PPP1R16B: variants seen among roughly 807,000 people sequenced by gnomAD.
PPP1R16B encodes the protein protein phosphatase 1 regulatory inhibitor subunit 16B.
A neutral mutation model predicts 61.7 loss-of-function variants in PPP1R16B; 14 were observed. That is an observed-to-expected ratio of 0.23 (90% CI 0.15 to 0.35). The LOEUF is 0.35. Ranked by LOEUF, PPP1R16B falls within the 10% of genes least tolerant of loss-of-function variation. PPP1R16B has a pLI of 1.00. For synonymous variants in PPP1R16B, 266 were observed against 305.3 expected (o/e 0.87, Z 1.34); for missense variants, 547 against 752.5 (o/e 0.73, Z 3.19).
At chr20:38,908,551 G>A (rs2085465077) in intron 10 of PPP1R16B, among the ~76,000 whole-genome samples, 1 of 152,236 alleles carries the variant, frequency 6.6e-6, no homozygotes, top group African/African-American at 2.4e-5. Context: ...CAGTAGGGCA[G>A]TCACCCAGGA....
chr20:38,827,332 G>C (rs1181418038), intron 1 of PPP1R16B, among the ~76,000 whole-genome samples: 1 of 152,176 alleles, frequency 6.6e-6, no homozygotes, highest in African/African-American at 2.4e-5. Context: ...TCCACTGCTG[G>C]ACATGATGAC....
intron 10 of PPP1R16B, among the ~76,000 whole-genome samples, chr20:38,908,862 G>A (rs554127063): frequency 6.6e-6 from 1 of 152,318 alleles, no homozygotes; most frequent in African/African-American, 2.4e-5. Context: ...GCTCTCAAGG[G>A]GATTCTGTTC....
chr20:38,908,968 CGTGT>C (rs373782872), intron 10 of PPP1R16B, among the ~76,000 whole-genome samples: 3,150 of 152,098 alleles, frequency 0.021, 120 homozygotes, highest in African/African-American at 0.073. Flanking sequence ...CCTTTTTCTT[CGTGT>C]GTGTGTGTCT....
chr20:38,875,909 C>T (rs1043403934), intron 2 of PPP1R16B, among the ~76,000 whole-genome samples: 16 of 151,698 alleles, frequency 1.1e-4, no homozygotes, highest in Non-Finnish European at 1.9e-4. Context: ...TTGTTTCTTC[C>T]TCTCCTACCA....
chr20:38,912,974 A>G lies in PPP1R16B; in HGVS notation c.1194+4781A>G, dbSNP rs140070870. On this transcript the variant is annotated intron_variant, in intron 10 of 10. Coordinates refer to ENST00000299824, the MANE Select transcript of PPP1R16B (RefSeq NM_015568.4). ...AGCCTCTGCCTCCCAGATTCAAGCA[A>G]TTCTCCCACCTCAGCCTCCTGATTA... Among the ~76,000 whole-genome samples, 1,035 of 152,214 alleles carry G rather than the reference A, an allele frequency of 6.8e-3. 11 individuals are homozygous for G. Among genetic ancestry groups the G allele is most frequent in the African/African-American group, 0.024 (1,002 of 41,530 alleles).
chr20:38,816,963 ACT>A (rs1161511056), intron 1 of PPP1R16B, among the ~76,000 whole-genome samples: 1 of 151,832 alleles, frequency 6.6e-6, no homozygotes, highest in Admixed American at 6.6e-5. Flanking sequence ...TCAAAGGACC[ACT>A]CTCTCATGGC....
intron 2 of PPP1R16B, among the ~76,000 whole-genome samples, chr20:38,858,634 G>A (rs1161153224): frequency 6.6e-6 from 1 of 150,970 alleles, no homozygotes; most frequent in African/African-American, 2.5e-5. Context: ...GAGATTGGAG[G>A]AAGGGGATAT....
intron 1 of PPP1R16B, among the ~76,000 whole-genome samples, chr20:38,822,539 C>T (rs999519596): frequency 1.0e-4 from 10 of 97,186 alleles, no homozygotes; most frequent in East Asian, 6.8e-4. Context: ...GTCTAGAGTT[C>T]GTAATAGTTT....
intron 1 of PPP1R16B, among the ~76,000 whole-genome samples, chr20:38,807,326 GC>G: frequency 6.6e-6 from 1 of 152,338 alleles, no homozygotes; most frequent in South Asian, 2.1e-4. Flanking sequence ...AAGATACGGG[GC>G]TAACAGCCGC....
At chr20:38,867,051 CGGGT>C (rs2085095449) in intron 2 of PPP1R16B, among the ~76,000 whole-genome samples, 1 of 152,172 alleles carries the variant, frequency 6.6e-6, no homozygotes, top group Non-Finnish European at 1.5e-5. Flanking sequence ...TAATGTTTTT[CGGGT>C]TCATCCACGC....
In PPP1R16B at chr20:38,835,876, C is replaced by T; in HGVS notation, c.-50C>T. ...CAGAGGCCCCGCGCTGCCCTGGCCC[C>T]CGGTGCACCGTGCTAGCCCCCAGCC... On this transcript the variant is annotated 5_prime_UTR_variant, in exon 2 of 11. Transcript: ENST00000299824. 1 of 1,483,230 alleles carries T rather than the reference C, an allele frequency of 6.7e-7. No homozygotes were observed. Among genetic ancestry groups the T allele is most frequent in the Non-Finnish European group, 8.9e-7 (1 of 1,118,926 alleles). The allele number at this position is 1,483,230 out of a possible 1,614,324, so 91.9% of individuals were successfully genotyped here.
chr20:38,888,878 C>A (rs2085267905), intron 2 of PPP1R16B, among the ~76,000 whole-genome samples: 1 of 39,622 alleles, frequency 2.5e-5, no homozygotes, highest in African/African-American at 8.8e-5. Flanking sequence ...AATCCCTGAA[C>A]ACACACACAC....
At chr20:38,900,331 G>C (rs2085381611) in intron 4 of PPP1R16B, among the ~76,000 whole-genome samples, 3 of 152,160 alleles carry the variant, frequency 2.0e-5, no homozygotes, top group African/African-American at 7.2e-5. Context: ...AAAGGCTTAG[G>C]GAGGTCTTCT....
rs1290376033 is a variant in PPP1R16B at position 38,918,563 on chromosome 20, C to T, written c.1601C>T (p.Ser534Leu). 26 of 1,556,332 alleles carry T rather than the reference C, an allele frequency of 1.7e-5. No individual in the cohort carries two copies. Among genetic ancestry groups the T allele is most frequent in the Non-Finnish European group, 2.3e-5 (26 of 1,150,818 alleles). ...TCACCGTACAGCAGCAATGGGACCT[C>T]GGTATATTACACGGTCACCAGCGGA... ...RTSPYSSNGT[S>L]VYYTVTSGDP... Residue 534 changes from serine to leucine, a missense_variant, in exon 11 of 11, where the codon TCG becomes TTG. Physicochemically the swap from Ser to Leu is moderately radical, Grantham distance 145. Transcript: ENST00000299824. This position sits in a 1 kb window ranked among gnomAD's most constrained non-coding sequence, Gnocchi z 5.3.
chr20:38,814,561 T>G (rs560856058), intron 1 of PPP1R16B, among the ~76,000 whole-genome samples: 1 of 152,192 alleles, frequency 6.6e-6, no homozygotes, highest in African/African-American at 2.4e-5. Context: ...ACCTGATACA[T>G]GCCAACTATT....
chr20:38,890,302 T>A (rs2085283078), intron 3 of PPP1R16B, among the ~76,000 whole-genome samples: 1 of 152,256 alleles, frequency 6.6e-6, no homozygotes, highest in Admixed American at 6.5e-5. Flanking sequence ...CAAAGTTCTC[T>A]GGTGTCTTCC....
chr20:38,827,750 C>T (rs1035996623), intron 1 of PPP1R16B, among the ~76,000 whole-genome samples: 5 of 151,944 alleles, frequency 3.3e-5, no homozygotes, highest in African/African-American at 7.3e-5. Flanking sequence ...ACCAAGGGCC[C>T]CAGAAGTCTC....
intron 1 of PPP1R16B, among the ~76,000 whole-genome samples, chr20:38,829,637 T>C (rs1310048421): frequency 6.6e-6 from 1 of 152,246 alleles, no homozygotes; most frequent in Admixed American, 6.5e-5. Context: ...GAAGTGTGGA[T>C]AGGTGAGCCC....
intron 1 of PPP1R16B, among the ~76,000 whole-genome samples, chr20:38,833,234 A>G (rs1026732732): frequency 6.6e-6 from 1 of 152,246 alleles, no homozygotes; most frequent in Non-Finnish European, 1.5e-5. Context: ...TTCTATTTAT[A>G]TAACATCTTT....
Sources: gnomAD v4.1 joint callset for allele counts (sites outside exome capture counted in the v4.1 genomes callset) on GRCh38, gnomAD v4.1.1 for gene constraint, Gnocchi (gnomAD v3.1) non-coding constraint, MANE v1.5 for transcripts, NCBI Gene and HGNC (gene_info 2026-07-23, HGNC 2026-07-21) for gene names.